Variants in MLIP observed in about 807,000 individuals in gnomAD.
The protein encoded by MLIP is muscular LMNA-interacting protein.
A neutral mutation model predicts 84.8 loss-of-function variants in MLIP; 79 were observed. The ratio of observed to expected loss-of-function variants is 0.93; its 90% CI spans 0.78 to 1.12. MLIP has a LOEUF of 1.12. Ranked by LOEUF, MLIP falls within the 50% of genes most tolerant of loss-of-function variation. MLIP has a pLI of 0.00. For synonymous variants in MLIP, 504 were observed against 463.0 expected, an observed-to-expected ratio of 1.09 and a Z score of -1.14; for missense variants, 1,257 against 1,160.6, an observed-to-expected ratio of 1.08 and a Z score of -1.21.
At chr6:54,209,987 CTTTGA>C (rs1172946929) in intron 11 of MLIP, among the ~76,000 whole-genome samples, 9 of 143,336 alleles carry the variant, frequency 6.3e-5, no homozygotes, top group Non-Finnish European at 1.1e-4. Flanking sequence ...CCTTTTTCTT[CTTTGA>C]TTTAAAAAAA....
intron 9 of MLIP, among the ~76,000 whole-genome samples, chr6:54,184,900 T>C (rs556475424): frequency 3.9e-5 from 6 of 152,306 alleles, no homozygotes; most frequent in African/African-American, 1.4e-4. Context: ...TATACTCATC[T>C]CAAATGTTAC....
At chr6:54,248,657 C>T (rs1437497676) in intron 12 of MLIP, among the ~76,000 whole-genome samples, 5 of 151,998 alleles carry the variant, frequency 3.3e-5, no homozygotes, top group African/African-American at 9.7e-5. Flanking sequence ...TTCTAACATG[C>T]CTTAAGTCTT....
chr6:54,022,813 C>G (rs1763570306), intron 1 of MLIP, among the ~76,000 whole-genome samples: 1 of 152,046 alleles, frequency 6.6e-6, no homozygotes, highest in South Asian at 2.1e-4. Context: ...ATTGTATTAA[C>G]ATAATATGTC....
At chr6:54,125,679 A>G (rs1359368263) in intron 3 of MLIP, among the ~76,000 whole-genome samples, 1 of 152,200 alleles carries the variant, frequency 6.6e-6, no homozygotes, top group South Asian at 2.1e-4. Flanking sequence ...TGGCTTTGAG[A>G]GTAGGTAGGT....
At position 54,216,466 on chromosome 6, in the gene MLIP, C is replaced by G. The variant is rs564054846; in HGVS notation, c.2718+14233C>G. On this transcript the variant is annotated intron_variant, in intron 11 of 13. Transcript: ENST00000502396. ...ATTATGGAGTGTTTTTCTTTCTTTT[C>G]CCTTGAGTGTACCTCCATCAGATAC... 184 of 985,332 alleles carry G rather than the reference C, an allele frequency of 1.9e-4. 1 individual carries two copies. The African/African-American group carries it at 2.7e-3, about 14-fold the overall frequency. 61.0% of individuals were successfully genotyped at this position (985,332 alleles called of 1,614,324 possible).
At chr6:54,175,117 T>C (rs1236003850) in intron 9 of MLIP, among the ~76,000 whole-genome samples, 1 of 152,122 alleles carries the variant, frequency 6.6e-6, no homozygotes, top group Non-Finnish European at 1.5e-5. Context: ...GTGTCTGTTT[T>C]TATGCCAGTA....
At chr6:54,167,082 C>A (rs936686292) in intron 8 of MLIP, among the ~76,000 whole-genome samples, 2 of 151,908 alleles carry the variant, frequency 1.3e-5, no homozygotes, top group African/African-American at 2.4e-5. Flanking sequence ...CACTACTGAG[C>A]CACTGTGTTT....
exon 1 of MLIP, chr6:54,018,984 C>T: frequency 6.6e-7 from 1 of 1,509,898 alleles, no homozygotes; most frequent in East Asian, 2.3e-5. Context: ...AGAATCTGAA[C>T]CTCTGTGTCT....
At chr6:54,057,526 G>A (rs1443036726) in intron 1 of MLIP, among the ~76,000 whole-genome samples, 1 of 152,162 alleles carries the variant, frequency 6.6e-6, no homozygotes, top group African/African-American at 2.4e-5. Flanking sequence ...TTTTGTTGTA[G>A]CAGAACCTGC....
chr6:54,215,037 T>A, intron 11 of MLIP: 1 of 740,510 alleles, frequency 1.4e-6, no homozygotes, highest in Non-Finnish European at 2.2e-6. Context: ...TTCTAGTAAG[T>A]TCTCAATATT....
intron 4 of MLIP, 115 bp downstream of exon 4, chr6:54,138,401 A>T (rs1160040918): frequency 8.9e-6 from 11 of 1,229,790 alleles, no homozygotes; most frequent in South Asian, 1.6e-5. Context: ...TACAAGGAGG[A>T]AGAAAAAGTG....
chr6:54,220,537 T>C (rs1395887060), intron 11 of MLIP, among the ~76,000 whole-genome samples: 2 of 152,164 alleles, frequency 1.3e-5, no homozygotes, highest in Non-Finnish European at 2.9e-5. Context: ...TAAATGCCAT[T>C]AGAAAATGCA....
rs373046202 is a variant in MLIP, at chr6:54,159,572, C to T, written c.2290-795C>T. Among the ~76,000 whole-genome samples the T allele has an allele frequency of 4.3e-4, 65 of 152,104 alleles. 1 individual carries two copies. The highest frequency in any genetic ancestry group is 1.5e-3 in the African/African-American group (64 of 41,534). On this transcript the variant is annotated intron_variant, in intron 5 of 13. Coordinates refer to ENST00000502396, the MANE Select transcript of MLIP (RefSeq NM_001281747.2). ...TTGGTTTCTAGATTTTATAGTTTTT[C>T]ACCTTACGGGTAGTCCCTTATCTGG...
intron 1 of MLIP, among the ~76,000 whole-genome samples, chr6:54,070,439 G>T (rs1227847620): frequency 2.0e-5 from 3 of 152,120 alleles, no homozygotes; most frequent in Non-Finnish European, 4.4e-5. Context: ...AGTATATGCA[G>T]TCAATGATTT....
intron 1 of MLIP, among the ~76,000 whole-genome samples, chr6:54,025,338 C>T (rs73434375): frequency 0.027 from 4,178 of 152,198 alleles, 182 homozygotes; most frequent in African/African-American, 0.096. Context: ...TTGAATGTTG[C>T]TTCTGATCTA....
chr6:54,048,971 T>C (rs1765226393), intron 1 of MLIP, among the ~76,000 whole-genome samples: 2 of 152,126 alleles, frequency 1.3e-5, no homozygotes, highest in African/African-American at 2.4e-5. Context: ...GGTGGCACAC[T>C]TGAGATAAAA....
chr6:54,037,778 C>T (rs191003246), intron 1 of MLIP, among the ~76,000 whole-genome samples: 47 of 151,896 alleles, frequency 3.1e-4, no homozygotes, highest in Non-Finnish European at 6.0e-4. Flanking sequence ...ATGGTAAAAA[C>T]AAAGTTACCA....
intron 5 of MLIP, among the ~76,000 whole-genome samples, chr6:54,149,774 G>T (rs1159302219): frequency 1.3e-5 from 2 of 151,996 alleles, no homozygotes; most frequent in African/African-American, 4.8e-5. Context: ...GCTATTAAGG[G>T]TCATTAATAA....
chr6:54,219,967 T>TA (rs1219500991), intron 11 of MLIP, among the ~76,000 whole-genome samples: 1 of 151,886 alleles, frequency 6.6e-6, no homozygotes, highest in Admixed American at 6.6e-5. Context: ...ATGACTTTAT[T>TA]AAAAAAAACC....
Sources: allele counts gnomAD v4.1 joint callset (sites outside exome capture counted in the v4.1 genomes callset), GRCh38; gene constraint gnomAD v4.1.1; transcripts MANE v1.5; gene names NCBI Gene and HGNC (gene_info 2026-07-23, HGNC 2026-07-21).